NPC1: variants seen among roughly 807,000 people sequenced by gnomAD.
NPC1 encodes Niemann-Pick C1 protein.
A neutral mutation model predicts 140.4 loss-of-function variants in NPC1; 85 were observed. That is an observed-to-expected ratio of 0.61 (90% CI 0.51 to 0.72). The LOEUF is 0.72. NPC1 is among the 30% of genes least tolerant of loss of function. NPC1 has a pLI of 0.00. For synonymous variants in NPC1, 656 were observed against 624.8 expected, an observed-to-expected ratio of 1.05 and a Z score of -0.74; for missense variants, 1,504 against 1,623.8, an observed-to-expected ratio of 0.93 and a Z score of 1.27.
rs769612789 is a variant in NPC1 at position 23,539,992 on chromosome 18, T to A, written c.2614A>T (p.Met872Leu). ...CTGATGGATTTGAAATAATCCACCA[T>A]GTAGGAGTCCTGAAAGAAAGATAAA... ...QSLSMPDDSYMVDYFKSISQY... is the reference protein window; with the variant it reads ...QSLSMPDDSYLVDYFKSISQY... Residue 872 changes from methionine to leucine, a missense_variant, in exon 18 of 25, where the codon ATG (methionine) becomes TTG (leucine). Physicochemically the swap from Met to Leu is conservative, Grantham distance 15. Coordinates refer to ENST00000269228, the MANE Select transcript of NPC1 (RefSeq NM_000271.5). 1 of 1,612,974 alleles carries A rather than the reference T, an allele frequency of 6.2e-7. No homozygotes were observed. Among genetic ancestry groups the A allele is most frequent in the African/African-American group, 1.3e-5 (1 of 74,874 alleles).
At chr18:23,563,498 G>A (rs936314424) in intron 4 of NPC1, among the ~76,000 whole-genome samples, 4 of 152,240 alleles carry the variant, frequency 2.6e-5, no homozygotes, top group African/African-American at 9.6e-5. Flanking sequence ...TCAGCTCACT[G>A]GCAACCTCTG....
intron 11 of NPC1, 133 bp from the exon 12 acceptor site, chr18:23,545,282 G>A (rs905501734): frequency 7.2e-6 from 5 of 697,118 alleles, no homozygotes; most frequent in South Asian, 3.4e-5. Context: ...TCGCTCTGTC[G>A]CCCAGGCTGA....
At chr18:23,533,992 C>G in intron 23 of NPC1, 2 of 316,626 alleles carry the variant, frequency 6.3e-6, no homozygotes, top group Non-Finnish European at 1.2e-5. Context: ...TTTATATTCT[C>G]AGGTGAAAAC....
intron 1 of NPC1, among the ~76,000 whole-genome samples, chr18:23,583,786 C>T (rs1022119952): frequency 1.3e-5 from 2 of 152,132 alleles, no homozygotes; most frequent in Non-Finnish European, 2.9e-5. Flanking sequence ...TTCCCTCTGC[C>T]CACTGGCTCA....
At chr18:23,520,246 C>G (rs776383921), downstream of NPC1, 14 of 1,614,022 alleles carry the variant, frequency 8.7e-6, no homozygotes, top group African/African-American at 1.6e-4. Flanking sequence ...AGTTTGACGG[C>G]TCCGTTACCT....
downstream of NPC1, among the ~76,000 whole-genome samples, chr18:23,517,428 G>A (rs1159199497): frequency 6.6e-6 from 1 of 152,102 alleles, no homozygotes; most frequent in East Asian, 1.9e-4. Flanking sequence ...GATTACAGGC[G>A]TGAGCCACCA....
rs144687654 is a variant in NPC1, at chr18:23,531,685, T to G, written c.*517A>C. Reference sequence around the variant, plus strand: ...CAGATTTTTGGAGACCAAGCTCTAATGAGGCCTACAACATTCTGAAATCAC... The same window carrying G: ...CAGATTTTTGGAGACCAAGCTCTAAGGAGGCCTACAACATTCTGAAATCAC... On this transcript the variant is annotated 3_prime_UTR_variant, in exon 25 of 25. Coordinates refer to ENST00000269228, the MANE Select transcript of NPC1 (RefSeq NM_000271.5). 404 of 1,613,132 alleles carry G rather than the reference T, an allele frequency of 2.5e-4. 1 individual carries two copies. The highest frequency in any genetic ancestry group is 3.2e-4 in the Non-Finnish European group (376 of 1,179,850).
chr18:23,557,747 A>C (rs1237630511), intron 6 of NPC1, among the ~76,000 whole-genome samples: 1 of 110,326 alleles, frequency 9.1e-6, no homozygotes, highest in African/African-American at 3.2e-5. Context: ...TCTCAAAAAA[A>C]CAAACAAACA....
intron 7 of NPC1, 38 bp from the exon 8 acceptor site, chr18:23,556,651 G>C (rs942686692): frequency 1.2e-6 from 2 of 1,610,908 alleles, no homozygotes; most frequent in Non-Finnish European, 1.7e-6. Flanking sequence ...TGGAGGTTAA[G>C]AGCCAAGCCG....
intron 21 of NPC1, among the ~76,000 whole-genome samples, chr18:23,536,118 TCTTAA>T (rs2058626895): frequency 6.6e-6 from 1 of 152,150 alleles, no homozygotes; most frequent in Non-Finnish European, 1.5e-5. Context: ...GCTAACCGGC[TCTTAA>T]CTTCTTCCAA....
chr18:23,580,865 G>A (rs916048668), intron 1 of NPC1, among the ~76,000 whole-genome samples: 1 of 152,236 alleles, frequency 6.6e-6, no homozygotes, highest in Non-Finnish European at 1.5e-5. Context: ...AGGGCATTTA[G>A]GGTGGAGGCT....
rs537287315 is a variant in NPC1, at chr18:23,533,041, C to T, written c.3754+314G>A. 1.9e-4 allele frequency: 140 copies of T among 719,248 alleles called. No homozygotes were observed. In the South Asian group the frequency reaches 7.7e-3, roughly 40 times the overall value. 44.6% of individuals were successfully genotyped at this position (719,248 alleles called of 1,614,324 possible). A position where few individuals can be genotyped will look rare whatever the true frequency, so the allele number is the denominator to read the frequency against. On this transcript the variant is annotated intron_variant, in intron 24 of 24. Transcript: ENST00000269228. ...CTGGCTGCCAGATGGACTCCTTCAT[C>T]TCAGTGGCAGGGAGGAGCTGCCCTG...
At position 23,516,231 on chromosome 18, in the gene NPC1, G is replaced by T. The variant is rs2058001703; in HGVS notation, c.432-9589C>A. 9.5e-6 allele frequency: 14 copies of T among 1,468,870 alleles called. No homozygotes were observed. The South Asian group carries it at 1.4e-4, about 14-fold the overall frequency. 91.0% of individuals were successfully genotyped at this position (1,468,870 alleles called of 1,614,324 possible). On this transcript the variant is annotated intron_variant, in intron 3 of 3. Coordinates refer to the NPC1 transcript ENST00000591107. ...TGGAAAGGATCCAAAGACGAAGTCT[G>T]TGTTTATCCTTGTTGGTTTTACACA... is the stretch of plus-strand genomic sequence containing the variant.
At position 23,576,738 on chromosome 18, in the gene NPC1, C is replaced by T. The variant is rs143233808; in HGVS notation, c.58-3164G>A. ...CTGCAGACCTTCGCGGTGAGTGTTA[C>T]AGCTCTTAAGGCAGCGCGTCTGGAG... On this transcript the variant is annotated intron_variant, in intron 1 of 24. Transcript: ENST00000269228. 5.7e-5 allele frequency: 9 copies of T among 158,936 alleles called. No individual in the cohort carries two copies. The East Asian group carries it at 1.7e-3, about 30-fold the overall frequency. The allele number at this position is 158,936 out of a possible 1,614,324, so 9.8% of individuals were successfully genotyped here. A position where few individuals can be genotyped will look rare whatever the true frequency, so the allele number is the denominator to read the frequency against.
At position 23,586,375 on chromosome 18, in the gene NPC1, G is replaced by GGTTGGCC; in HGVS notation, c.-33_-32insGGCCAAC. ...GCCGCGCAAGGCTGCTGACGCCGGC[G>GGTTGGCC]GCGTTCGGCTGGTTGGGCTCCCCGG... On this transcript the variant is annotated 5_prime_UTR_variant, in exon 1 of 25. Transcript: ENST00000269228. The GGTTGGCC allele has an allele frequency of 6.5e-7, 1 of 1,531,228 alleles. No individual in the cohort carries two copies. The highest frequency in any genetic ancestry group is 8.7e-7 in the Non-Finnish European group (1 of 1,145,248). The allele number at this position is 1,531,228 out of a possible 1,614,324, so 94.9% of individuals were successfully genotyped here. A position where few individuals can be genotyped will look rare whatever the true frequency, so the allele number is the denominator to read the frequency against.
At chr18:23,532,962 G>T (rs889196902) in intron 24 of NPC1, 1 of 984,908 alleles carries the variant, frequency 1.0e-6, no homozygotes, top group Non-Finnish European at 1.2e-6. Flanking sequence ...GCTAAGAAAC[G>T]GGAAATCCAT....
At chr18:23,519,091 C>T (rs534549693), downstream of NPC1, 125 of 1,614,120 alleles carry the variant, frequency 7.7e-5, 1 homozygote, top group South Asian at 1.4e-3. Context: ...TAAAAAGATG[C>T]ACATATTGAA....
chr18:23,506,304 G>A (rs957141514), exon 4 of NPC1: 1 of 151,756 alleles, frequency 6.6e-6, no homozygotes, highest in Non-Finnish European at 1.5e-5. Flanking sequence ...CACAATCAAG[G>A]CAATGAACAT....
At chr18:23,536,940 C>T in intron 20 of NPC1, 64 bp from the exon 21 acceptor site, 1 of 1,384,222 alleles carries the variant, frequency 7.2e-7, no homozygotes. Context: ...AGAATCTGAG[C>T]ACTTGAGGCT....
Sources: gnomAD v4.1 joint callset for allele counts (sites outside exome capture counted in the v4.1 genomes callset) on GRCh38, gnomAD v4.1.1 for gene constraint, MANE v1.5 for transcripts, NCBI Gene and HGNC (gene_info 2026-07-23, HGNC 2026-07-21) for gene names.